TERB2: variants seen among roughly 807,000 people sequenced by gnomAD.
TERB2 encodes the protein telomere repeat binding bouquet formation protein 2.
TERB2 carries 26 observed loss-of-function variants against 29.8 expected under a neutral mutation model. The ratio of observed to expected loss-of-function variants is 0.87; its 90% CI spans 0.64 to 1.21. The LOEUF is 1.21. Among genes scored for constraint, TERB2 ranks in the 50% most tolerant of loss-of-function variants. The pLI, the probability that TERB2 is intolerant of heterozygous loss-of-function variation, is 0.00. For synonymous variants in TERB2, 80 were observed against 90.8 expected (o/e 0.88, Z 0.68); for missense variants, 240 against 268.6 (o/e 0.89, Z 0.74).
rs560508312 is a variant in TERB2 at position 44,964,876 on chromosome 15, T to C, written c.349-1282T>C. 1.2e-4 allele frequency among the ~76,000 whole-genome samples: 18 copies of C among 152,070 alleles called. No individual in the cohort carries two copies. The East Asian group carries it at 2.5e-3, about 21-fold the overall frequency. On this transcript the variant is annotated intron_variant, in intron 4 of 6. Transcript: ENST00000340827. Reference sequence around the variant, plus strand: ...TTATTTAAATATAGAAACTTCTTAATGGTGGCTGGGCGCAGTGGGTCGCGC... The same window carrying C: ...TTATTTAAATATAGAAACTTCTTAACGGTGGCTGGGCGCAGTGGGTCGCGC...
chr15:44,963,698 C>T (rs1255808236), intron 4 of TERB2, among the ~76,000 whole-genome samples: 3 of 150,158 alleles, frequency 2.0e-5, no homozygotes. Context: ...CAAATGTTTT[C>T]AAGTGGTTCC....
At chr15:44,965,867 G>C (rs1327184849) in intron 4 of TERB2, among the ~76,000 whole-genome samples, 6 of 151,632 alleles carry the variant, frequency 4.0e-5, no homozygotes, top group Admixed American at 2.0e-4. Flanking sequence ...TAATTGAAAA[G>C]AGAATAAAAT....
At position 44,978,475 on chromosome 15, in the gene TERB2, A is replaced by T. The variant is rs1225150007; in HGVS notation, c.524-14A>T. ...GTTTTAAGTATATATCTTTTTTTAA[A>T]TTTTATTTTGTAGGTTATATATCAA... On this transcript the variant is annotated splice_polypyrimidine_tract_variant and intron_variant, in intron 6 of 6. Transcript: ENST00000340827. The T allele has an allele frequency of 1.9e-6, 3 of 1,567,246 alleles. No homozygotes were observed. Among genetic ancestry groups the T allele is most frequent in the Middle Eastern group, 1.7e-4 (1 of 5,792 alleles).
Position 44,956,957 on chromosome 15 carries a change from C to T in TERB2, c.126C>T (p.Ala42=). Residue 42 remains alanine, a synonymous_variant, in exon 2 of 7, where the codon GCC becomes GCT. Transcript: ENST00000340827. ...RAADFLFSCD[A]SHPDTLRIYQ... ...CCGACTTCTTGTTCAGCTGTGATGC[C>T]TCGCACCCAGACACGCTGAGGTACT... 1 of 1,613,846 alleles carries T rather than the reference C, an allele frequency of 6.2e-7. No homozygotes were observed. The highest frequency in any genetic ancestry group is 8.5e-7 in the Non-Finnish European group (1 of 1,179,992).
intron 5 of TERB2, among the ~76,000 whole-genome samples, chr15:44,967,148 C>A (rs1014863964): frequency 6.6e-6 from 1 of 152,234 alleles, no homozygotes; most frequent in Non-Finnish European, 1.5e-5. Context: ...ATGGCCTTGC[C>A]ATTGTATTAG....
intron 2 of TERB2, 121 bp from the exon 3 acceptor site, chr15:44,958,252 G>A: frequency 4.9e-6 from 6 of 1,218,472 alleles, no homozygotes; most frequent in Non-Finnish European, 3.3e-6. Flanking sequence ...GAAAAGGACA[G>A]CATACATGTA....
At chr15:44,964,192 A>AT (rs1199209510) in intron 4 of TERB2, among the ~76,000 whole-genome samples, 8 of 151,724 alleles carry the variant, frequency 5.3e-5, no homozygotes, top group South Asian at 4.2e-4. Context: ...TTTTTATTTT[A>AT]TTTTTTTTAA....
chr15:44,973,613 GC>G (rs1334123497), intron 5 of TERB2: 2 of 162,970 alleles, frequency 1.2e-5, no homozygotes, highest in African/African-American at 4.8e-5. Context: ...GGTTAGCATG[GC>G]CCCTGCGCAA....
At chr15:44,973,814 A>G in intron 5 of TERB2, 53 bp from the exon 6 acceptor site, 1 of 1,232,258 alleles carries the variant, frequency 8.1e-7, no homozygotes, top group Non-Finnish European at 1.0e-6. Flanking sequence ...TGTAATACAT[A>G]TAGACATATA....
At chr15:44,957,867 AT>A (rs1893013772) in intron 2 of TERB2, among the ~76,000 whole-genome samples, 2 of 121,838 alleles carry the variant, frequency 1.6e-5, no homozygotes, top group South Asian at 2.5e-4. Context: ...TGCCTTGTTT[AT>A]TTCCCAGTTT....
intron 4 of TERB2, among the ~76,000 whole-genome samples, chr15:44,963,253 C>T (rs944219219): frequency 2.0e-5 from 3 of 152,202 alleles, no homozygotes; most frequent in Admixed American, 1.3e-4. Flanking sequence ...ATTTAACTAA[C>T]TTAGCAAACA....
intron 2 of TERB2, 68 bp downstream of exon 2, chr15:44,957,045 G>C (rs1441514328): frequency 6.7e-7 from 1 of 1,489,490 alleles, no homozygotes; most frequent in Non-Finnish European, 9.2e-7. Flanking sequence ...GGAAGTTGCA[G>C]TCCACTAATA....
chr15:44,973,811 CAT>C (rs1392981840), intron 5 of TERB2, 54 bp from the exon 6 acceptor site: 1 of 1,180,414 alleles, frequency 8.5e-7, no homozygotes. Context: ...AAATGTAATA[CAT>C]ATAGACATAT....
At chr15:44,960,079 G>C (rs922138160) in intron 3 of TERB2, among the ~76,000 whole-genome samples, 2 of 151,960 alleles carry the variant, frequency 1.3e-5, no homozygotes, top group Non-Finnish European at 2.9e-5. Flanking sequence ...CCACCTTCAA[G>C]GAACTTATAT....
intron 4 of TERB2, among the ~76,000 whole-genome samples, chr15:44,963,158 T>C (rs530936689): frequency 9.8e-5 from 15 of 152,338 alleles, no homozygotes; most frequent in South Asian, 2.1e-4. Context: ...TCTAAACCTA[T>C]GATCTCAAAT....
chr15:44,970,021 C>T (rs1014588337), intron 5 of TERB2: 1 of 151,684 alleles, frequency 6.6e-6, no homozygotes, highest in African/African-American at 2.4e-5. Flanking sequence ...TGATGAGTCT[C>T]TTCAGAGTTA....
At chr15:44,967,640 G>A (rs1891910217) in intron 5 of TERB2, among the ~76,000 whole-genome samples, 1 of 151,012 alleles carries the variant, frequency 6.6e-6, no homozygotes, top group Non-Finnish European at 1.5e-5. Context: ...TAAGGTCCTG[G>A]TTTGAGTTCA....
intron 5 of TERB2, among the ~76,000 whole-genome samples, chr15:44,971,445 A>C (rs1891966224): frequency 6.6e-6 from 1 of 152,182 alleles, no homozygotes; most frequent in Admixed American, 6.6e-5. Context: ...GTGCACAGTC[A>C]TATCATTTGT....
intron 3 of TERB2, among the ~76,000 whole-genome samples, chr15:44,958,914 C>G (rs994083724): frequency 6.6e-6 from 1 of 152,132 alleles, no homozygotes; most frequent in Non-Finnish European, 1.5e-5. Flanking sequence ...TGCGGTAGGG[C>G]GTGCCTGTAA....
Sources: gnomAD v4.1 joint callset for allele counts (sites outside exome capture counted in the v4.1 genomes callset) on GRCh38, gnomAD v4.1.1 for gene constraint, MANE v1.5 for transcripts, NCBI Gene and HGNC (gene_info 2026-07-23, HGNC 2026-07-21) for gene names.